FANCE: variants seen among roughly 807,000 people sequenced by gnomAD.
The protein encoded by FANCE is Fanconi anemia group E protein.
FANCE carries 42 observed loss-of-function variants against 57.8 expected under a neutral mutation model. The ratio of observed to expected loss-of-function variants is 0.73; its 90% CI spans 0.57 to 0.94. The LOEUF (loss-of-function observed/expected upper bound fraction) is 0.94. Ranked by LOEUF, FANCE falls within the 40% of genes least tolerant of loss-of-function variation. The pLI, the probability that FANCE is intolerant of heterozygous loss-of-function variation, is 0.00. For synonymous variants in FANCE, 251 were observed against 286.4 expected (o/e 0.88, Z 1.25); for missense variants, 608 against 661.8 (o/e 0.92, Z 0.89).
chr6:35,463,792 G>T (rs1405154739), intron 9 of FANCE, among the ~76,000 whole-genome samples: 1 of 151,868 alleles, frequency 6.6e-6, no homozygotes, highest in Non-Finnish European at 1.5e-5. Flanking sequence ...CTCCCGAGTA[G>T]CTGGGATTAC....
chr6:35,453,324 CCT>C (rs755271543), intron 1 of FANCE, among the ~76,000 whole-genome samples: 5 of 151,702 alleles, frequency 3.3e-5, no homozygotes, highest in Non-Finnish European at 7.4e-5. Context: ...TTTTTTTTAA[CCT>C]CTCTGTGGCT....
chr6:35,456,460 T>G lies in FANCE; in HGVS notation c.855+107T>G. 1 of 1,440,114 alleles carries G rather than the reference T, an allele frequency of 6.9e-7. No homozygotes were observed. The highest frequency in any genetic ancestry group is 9.8e-7 in the Non-Finnish European group (1 of 1,024,974). 89.2% of individuals were successfully genotyped at this position (1,440,114 alleles called of 1,614,324 possible). ...TTTTCCCAATGGAGTTGACTGTAGT[T>G]CCTGGAGGAAGAAGGAGGAAGGTAG... On this transcript the variant is annotated intron_variant, in intron 2 of 9. Transcript: ENST00000229769. This position sits in a 1 kb window ranked among gnomAD's most constrained non-coding sequence, Gnocchi z 4.3.
chr6:35,456,163 G>C lies in FANCE; in HGVS notation c.665G>C (p.Cys222Ser). 1 of 1,614,168 alleles carries C rather than the reference G, an allele frequency of 6.2e-7. No individual in the cohort carries two copies. Among genetic ancestry groups the C allele is most frequent in the East Asian group, 2.2e-5 (1 of 44,878 alleles). Residue 222 changes from cysteine to serine, a missense_variant, in exon 2 of 10, where the codon TGT (cysteine) becomes TCT (serine). Cys to Ser is a moderately radical substitution (Grantham distance 112). Coordinates refer to ENST00000229769, the MANE Select transcript of FANCE (RefSeq NM_021922.3). The surrounding 1 kb of genome is among the most constrained non-coding windows in gnomAD (Gnocchi z 4.3). The stretch of plus-strand genomic sequence containing the variant: ...AAGAGGGTCCCCAAAAGATTACGGT[G>C]TTGGGAAGAGGAAGAAGATCATGAG... ...EGKRVPKRLRCWEEEEDHEKE... is the reference protein window; with the variant it reads ...EGKRVPKRLRSWEEEEDHEKE...
chr6:35,456,041 C>G lies in FANCE; in HGVS notation c.543C>G (p.Pro181=). ...LGLGGRRLKS[P]QAPDPEEEEN... ...TGGGGGGCAGGAGGTTGAAATCCCC[C>G]CAGGCTCCAGACCCTGAAGAAGAGG... Residue 181 remains proline (P), a synonymous_variant, in exon 2 of 10, where the codon CCC becomes CCG. Transcript: ENST00000229769. This position sits in a 1 kb window ranked among gnomAD's most constrained non-coding sequence, Gnocchi z 4.3. The G allele has an allele frequency of 6.2e-7, 1 of 1,613,046 alleles. No individual in the cohort carries two copies. Among genetic ancestry groups the G allele is most frequent in the Non-Finnish European group, 8.5e-7 (1 of 1,179,616 alleles).
In FANCE at chr6:35,460,572, G is replaced by A. The variant is rs2150898427; in HGVS notation, c.1337G>A (p.Trp446Ter). 6.2e-7 allele frequency: 1 copy of A among 1,614,112 alleles called. No individual in the cohort carries two copies. The highest frequency in any genetic ancestry group is 1.3e-5 in the African/African-American group (1 of 75,044). ...LMLGQILELP[W>*]KEETFLVLQS... is the part of the protein sequence containing the mutation. ...TGCAGACAGATCTTGGAGCTGCCCTGGAAGGAGGAAACTTTCTTGGTGTTG... is the reference window on the plus strand; with the variant it reads ...TGCAGACAGATCTTGGAGCTGCCCTAGAAGGAGGAAACTTTCTTGGTGTTG... Residue 446 changes from tryptophan to a stop codon, truncating the protein, a stop_gained, in exon 8 of 10, where the codon TGG (tryptophan) becomes TAG (stop). Coordinates refer to ENST00000229769, the MANE Select transcript of FANCE (RefSeq NM_021922.3). LOFTEE classifies it high-confidence loss of function.
chr6:35,466,428 C>A lies in FANCE; in HGVS notation c.*83C>A. 1.1e-6 allele frequency: 1 copy of A among 934,172 alleles called. No individual in the cohort carries two copies. Among genetic ancestry groups the A allele is most frequent in the Non-Finnish European group, 1.8e-6 (1 of 563,942 alleles). 57.9% of individuals were successfully genotyped at this position (934,172 alleles called of 1,614,324 possible). On this transcript the variant is annotated 3_prime_UTR_variant, in exon 10 of 10. Coordinates refer to ENST00000229769, the MANE Select transcript of FANCE (RefSeq NM_021922.3). Reference sequence around the variant, plus strand: ...TCTTTCTTCACCACCTTGTCTTGAGCCCTAGCCTGAGGATAAAGGCTGAGC... The same window carrying A: ...TCTTTCTTCACCACCTTGTCTTGAGACCTAGCCTGAGGATAAAGGCTGAGC...
At chr6:35,458,053 A>G in intron 4 of FANCE, 69 bp downstream of exon 4, 1 of 1,472,964 alleles carries the variant, frequency 6.8e-7, no homozygotes, top group Non-Finnish European at 9.5e-7. Flanking sequence ...ATTTAAGTTT[A>G]TGTTTTCCTA....
chr6:35,461,945 C>G (rs1490388398), intron 8 of FANCE, among the ~76,000 whole-genome samples: 1 of 151,662 alleles, frequency 6.6e-6, no homozygotes, highest in Non-Finnish European at 1.5e-5. Flanking sequence ...CCGTGCCCAG[C>G]CCTGACCTAA....
In FANCE at chr6:35,452,443, C is replaced by T. The variant is rs1191954650; in HGVS notation, c.-103C>T. 8.7e-7 allele frequency: 1 copy of T among 1,145,134 alleles called. No homozygotes were observed. The highest frequency in any genetic ancestry group is 1.1e-6 in the Non-Finnish European group (1 of 918,034). 70.9% of individuals were successfully genotyped at this position (1,145,134 alleles called of 1,614,324 possible). ...TGTAACAGGCGCTGGAGCTGGCCCG[C>T]CACCGCCGCGTCAGGGACGGCGCTG... On this transcript the variant is annotated 5_prime_UTR_variant, in exon 1 of 10. Transcript: ENST00000229769.
At chr6:35,459,241 A>G in intron 5 of FANCE, 90 bp from the exon 6 acceptor site, 1 of 1,538,440 alleles carries the variant, frequency 6.5e-7, no homozygotes, top group Non-Finnish European at 8.9e-7. Context: ...TTTCCTTTGT[A>G]ACATGTATCA....
chr6:35,466,435 C>T lies in FANCE; in HGVS notation c.*90C>T, dbSNP rs1487344180. On this transcript the variant is annotated 3_prime_UTR_variant, in exon 10 of 10. Transcript: ENST00000229769. ...TCACCACCTTGTCTTGAGCCCTAGC[C>T]TGAGGATAAAGGCTGAGCCTGGCCA... 2 of 903,582 alleles carry T rather than the reference C, an allele frequency of 2.2e-6. No individual in the cohort carries two copies. The highest frequency in any genetic ancestry group is 3.7e-6 in the Non-Finnish European group (2 of 538,284). 56.0% of individuals were successfully genotyped at this position (903,582 alleles called of 1,614,324 possible).
intron 9 of FANCE, 49 bp from the exon 10 acceptor site, chr6:35,466,195 G>T (rs781376645): frequency 1.7e-6 from 2 of 1,203,546 alleles, no homozygotes; most frequent in South Asian, 1.2e-5. Flanking sequence ...GTCGGGAGAC[G>T]GGAGGGATCA....
intron 8 of FANCE, among the ~76,000 whole-genome samples, chr6:35,460,873 G>C (rs1767562171): frequency 1.3e-5 from 2 of 151,980 alleles, no homozygotes; most frequent in African/African-American, 4.8e-5. Context: ...ATGTGTGTGT[G>C]TGAATTTAAT....
Position 35,456,467 on chromosome 6 carries a change from G to A in FANCE, c.855+114G>A. The A allele has an allele frequency of 7.5e-7, 1 of 1,335,216 alleles. No individual in the cohort carries two copies. Among genetic ancestry groups the A allele is most frequent in the East Asian group, 2.3e-5 (1 of 43,606 alleles). The allele number at this position is 1,335,216 out of a possible 1,614,324, so 82.7% of individuals were successfully genotyped here. A position where few individuals can be genotyped will look rare whatever the true frequency, so the allele number is the denominator to read the frequency against. On this transcript the variant is annotated intron_variant, in intron 2 of 9. Transcript: ENST00000229769. This position sits in a 1 kb window ranked among gnomAD's most constrained non-coding sequence, Gnocchi z 4.3. ...AATGGAGTTGACTGTAGTTCCTGGA[G>A]GAAGAAGGAGGAAGGTAGGGTTGAG...
intron 8 of FANCE, 109 bp downstream of exon 8, chr6:35,460,727 A>G (rs1196688421): frequency 8.1e-6 from 8 of 992,818 alleles, no homozygotes; most frequent in Non-Finnish European, 1.3e-5. Flanking sequence ...GTCAAGCAGG[A>G]CAGCTGCCCT....
At position 35,452,851 on chromosome 6, in the gene FANCE, A is replaced by C. The variant is rs9470029; in HGVS notation, c.248+58A>C. On this transcript the variant is annotated intron_variant, in intron 1 of 9. Coordinates refer to ENST00000229769, the MANE Select transcript of FANCE (RefSeq NM_021922.3). ...TGGGAGGCGGGGGGCTGTCGGGGGA[A>C]CGACACACACAGAGGTGAAATAAGC... 793,884 of 1,266,096 alleles carry C rather than the reference A, an allele frequency of 0.63. 249,991 individuals are homozygous for C. Among genetic ancestry groups the C allele is most frequent in the Admixed American group, 0.68 (17,573 of 25,692 alleles). 78.4% of individuals were successfully genotyped at this position (1,266,096 alleles called of 1,614,324 possible).
intron 1 of FANCE, among the ~76,000 whole-genome samples, chr6:35,454,502 T>C (rs1767245837): frequency 6.6e-6 from 1 of 152,104 alleles, no homozygotes. Flanking sequence ...AAATTATGCA[T>C]AGGGAGGAGT....
chr6:35,455,265 G>A (rs922875408), intron 1 of FANCE, among the ~76,000 whole-genome samples: 1 of 151,922 alleles, frequency 6.6e-6, no homozygotes, highest in Non-Finnish European at 1.5e-5. Flanking sequence ...CACTTGAACA[G>A]TTCTCATCTT....
At chr6:35,457,202 C>T (rs541103751) in intron 2 of FANCE, among the ~76,000 whole-genome samples, 15 of 152,056 alleles carry the variant, frequency 9.9e-5, no homozygotes, top group Non-Finnish European at 2.1e-4. Flanking sequence ...ATATAACTCA[C>T]TGCAGCCTCG....
Sources: allele counts gnomAD v4.1 joint callset (sites outside exome capture counted in the v4.1 genomes callset), GRCh38; gene constraint gnomAD v4.1.1; non-coding constraint Gnocchi (gnomAD v3.1); transcripts MANE v1.5; gene names NCBI Gene and HGNC (gene_info 2026-07-23, HGNC 2026-07-21).